The following LINGO2 variants were observed in gnomAD, a reference collection of about 807,000 sequenced individuals.
LINGO2 encodes leucine-rich repeat and immunoglobulin-like domain-containing nogo receptor-interacting protein 2.
LINGO2 carries 14 observed loss-of-function variants against 30.6 expected under a neutral mutation model. The observed-to-expected ratio is 0.46, with a 90% CI of 0.30 to 0.72. The LOEUF is 0.72. LINGO2 is among the 30% of genes least tolerant of loss of function. The probability of loss-of-function intolerance (pLI) is 0.07; values close to 1 mark genes in which losing one functional copy is unlikely to be tolerated. For missense variants in LINGO2, 729 were observed against 751.7 expected (o/e 0.97, Z 0.35); for synonymous variants, 317 against 288.5 (o/e 1.10, Z -1.00).
intron 4 of LINGO2, among the ~76,000 whole-genome samples, chr9:28,087,713 C>T (rs1157340489): frequency 6.6e-6 from 1 of 151,978 alleles, no homozygotes; most frequent in East Asian, 1.9e-4. Flanking sequence ...CTGCTTTGAG[C>T]CAAGTACACC....
chr9:28,851,052 A>G, the LINGO2 span, among the ~76,000 whole-genome samples: 1 of 152,046 alleles, frequency 6.6e-6, no homozygotes, highest in African/African-American at 2.4e-5. Flanking sequence ...CCCAGGAGTA[A>G]AGACTTAATG....
At chr9:28,251,784 A>C (rs1435368731) in intron 4 of LINGO2, among the ~76,000 whole-genome samples, 1 of 152,156 alleles carries the variant, frequency 6.6e-6, no homozygotes, top group African/African-American at 2.4e-5. Flanking sequence ...GTGAAAAAAA[A>C]CTATTACATA....
intron 4 of LINGO2, among the ~76,000 whole-genome samples, chr9:28,017,379 G>A (rs1822891916): frequency 6.6e-6 from 1 of 152,098 alleles, no homozygotes; most frequent in Non-Finnish European, 1.5e-5. Context: ...CATGCAAATA[G>A]GAAGAGAGGA....
chr9:28,735,728 A>C, the LINGO2 span, among the ~76,000 whole-genome samples: 148,110 of 152,056 alleles, frequency 0.97, 72,217 homozygotes, highest in Non-Finnish European at 1. Flanking sequence ...TTTTAATTAT[A>C]ACATCTGCTT....
chr9:28,544,127 C>T (rs140108718), intron 1 of LINGO2, among the ~76,000 whole-genome samples: 8 of 151,874 alleles, frequency 5.3e-5, no homozygotes, highest in Non-Finnish European at 5.9e-5. Flanking sequence ...CATTTGAACC[C>T]GGAAGGCAGA....
At chr9:28,887,912 G>A in the LINGO2 span, among the ~76,000 whole-genome samples, 1 of 152,080 alleles carries the variant, frequency 6.6e-6, no homozygotes. Context: ...TTTAAAGGCT[G>A]CACATTGTTT....
chr9:28,167,142 C>A (rs1387261033), intron 4 of LINGO2, among the ~76,000 whole-genome samples: 3 of 122,862 alleles, frequency 2.4e-5, no homozygotes, highest in African/African-American at 9.3e-5. Flanking sequence ...ATATAGCACC[C>A]CCCCCCCCCA....
At chr9:28,906,135 T>C in the LINGO2 span, among the ~76,000 whole-genome samples, 3 of 151,930 alleles carry the variant, frequency 2.0e-5, no homozygotes, top group South Asian at 4.1e-4. Context: ...GTAGAAATGG[T>C]GGCCAAGGGG....
the LINGO2 span, among the ~76,000 whole-genome samples, chr9:29,082,909 C>T: frequency 1.1e-4 from 16 of 151,948 alleles, no homozygotes; most frequent in African/African-American, 2.7e-4. Flanking sequence ...GTTAGAATGG[C>T]GATCATTAAA....
At chr9:29,004,055 T>C in the LINGO2 span, among the ~76,000 whole-genome samples, 2 of 152,036 alleles carry the variant, frequency 1.3e-5, no homozygotes, top group Non-Finnish European at 2.9e-5. Context: ...CAAAGCCCAG[T>C]TGACTGATTC....
At chr9:28,198,166 A>G (rs983134733) in intron 4 of LINGO2, among the ~76,000 whole-genome samples, 2 of 151,988 alleles carry the variant, frequency 1.3e-5, no homozygotes, top group African/African-American at 2.4e-5. Context: ...CAGGAAAAAA[A>G]AACTAAATGT....
the LINGO2 span, among the ~76,000 whole-genome samples, chr9:28,753,795 T>C: frequency 6.6e-6 from 1 of 151,952 alleles, no homozygotes; most frequent in Non-Finnish European, 1.5e-5. Context: ...CCCTGGCATA[T>C]ACAGAGCCAA....
intron 3 of LINGO2, among the ~76,000 whole-genome samples, chr9:28,333,992 A>C (rs1255268003): frequency 6.6e-6 from 1 of 152,204 alleles, no homozygotes; most frequent in Non-Finnish European, 1.5e-5. Context: ...CAAAATTATC[A>C]AGAATTTATC....
the LINGO2 span, among the ~76,000 whole-genome samples, chr9:28,821,826 G>C: frequency 6.6e-6 from 1 of 152,138 alleles, no homozygotes; most frequent in African/African-American, 2.4e-5. Context: ...ACGGGAAAGA[G>C]CAGTAGTTTA....
At chr9:28,788,236 G>C in the LINGO2 span, among the ~76,000 whole-genome samples, 6 of 152,078 alleles carry the variant, frequency 3.9e-5, no homozygotes, top group African/African-American at 1.4e-4. Flanking sequence ...AGTAATTAAA[G>C]CTCCTTGTGC....
intron 4 of LINGO2, among the ~76,000 whole-genome samples, chr9:28,074,010 A>G (rs1825555002): frequency 6.6e-6 from 1 of 152,216 alleles, no homozygotes; most frequent in Non-Finnish European, 1.5e-5. Context: ...GAATATGTCA[A>G]TGAAAGTTTT....
intron 4 of LINGO2, among the ~76,000 whole-genome samples, chr9:28,180,382 T>C (rs1828878160): frequency 6.6e-6 from 1 of 152,190 alleles, no homozygotes; most frequent in Admixed American, 6.6e-5. Flanking sequence ...AATTTCCAAG[T>C]GTCTATTTTA....
intron 4 of LINGO2, among the ~76,000 whole-genome samples, chr9:28,037,146 G>A (rs1026167816): frequency 3.9e-5 from 6 of 152,160 alleles, no homozygotes; most frequent in African/African-American, 1.4e-4. Flanking sequence ...GGAAGTATGG[G>A]TGGAATAAAA....
At chr9:29,060,158 G>A in the LINGO2 span, among the ~76,000 whole-genome samples, 1 of 151,954 alleles carries the variant, frequency 6.6e-6, no homozygotes, top group African/African-American at 2.4e-5. Flanking sequence ...GCCATTCACA[G>A]AGCAAATGAG....
Sources: gnomAD v4.1 joint callset for allele counts (sites outside exome capture counted in the v4.1 genomes callset) on GRCh38, gnomAD v4.1.1 for gene constraint, MANE v1.5 for transcripts, NCBI Gene and HGNC (gene_info 2026-07-23, HGNC 2026-07-21) for gene names.